Variants in ANO10 observed in about 807,000 individuals in gnomAD.
ANO10 encodes the protein anoctamin-10.
A neutral mutation model predicts 74.7 loss-of-function variants in ANO10; 77 were observed. That is an observed-to-expected ratio of 1.03 (90% CI 0.86 to 1.25). ANO10 has a LOEUF of 1.25. ANO10 is among the 50% of genes most tolerant of loss of function. The probability of loss-of-function intolerance (pLI) is 0.00; values close to 1 mark genes in which losing one functional copy is unlikely to be tolerated. For missense variants in ANO10, 721 were observed against 778.1 expected (o/e 0.93, Z 0.87); for synonymous variants, 279 against 284.9 (o/e 0.98, Z 0.21).
At chr3:43,582,079 G>T (rs925942132) in intron 4 of ANO10, among the ~76,000 whole-genome samples, 7 of 152,082 alleles carry the variant, frequency 4.6e-5, no homozygotes, top group African/African-American at 1.7e-4. Context: ...CCTGTTACCA[G>T]AGACAGATGA....
At chr3:43,619,759 C>T (rs183828095) in intron 1 of ANO10, among the ~76,000 whole-genome samples, 65 of 151,468 alleles carry the variant, frequency 4.3e-4, no homozygotes, top group African/African-American at 1.5e-3. Context: ...CCCAGCTACC[C>T]AGGAGGCTGA....
At chr3:43,666,301 G>A (rs990324525) in intron 1 of ANO10, among the ~76,000 whole-genome samples, 1 of 152,154 alleles carries the variant, frequency 6.6e-6, no homozygotes, top group Non-Finnish European at 1.5e-5. Flanking sequence ...GAAAAGAAGA[G>A]ATTAAGAATT....
At chr3:43,687,681 G>C (rs2084292489) in intron 1 of ANO10, among the ~76,000 whole-genome samples, 1 of 152,172 alleles carries the variant, frequency 6.6e-6, no homozygotes, top group Admixed American at 6.5e-5. Context: ...GCTCAACCAG[G>C]TAATTGGTTA....
At chr3:43,591,887 TCA>T (rs761338655) in intron 4 of ANO10, among the ~76,000 whole-genome samples, 5 of 152,138 alleles carry the variant, frequency 3.3e-5, no homozygotes, top group African/African-American at 7.2e-5. Context: ...GAAAATTGGG[TCA>T]CCCTGACCCT....
chr3:43,519,394 A>G (rs2077852155), intron 11 of ANO10, among the ~76,000 whole-genome samples: 1 of 152,156 alleles, frequency 6.6e-6, no homozygotes, highest in South Asian at 2.1e-4. Flanking sequence ...GAGAATATAT[A>G]TCAATTCACA....
chr3:43,629,359 C>T (rs1252393266), intron 1 of ANO10, among the ~76,000 whole-genome samples: 1 of 152,198 alleles, frequency 6.6e-6, no homozygotes, highest in African/African-American at 2.4e-5. Context: ...CATGCCTTTT[C>T]ATCATCTATG....
At chr3:43,394,371 T>C (rs1315067670) in intron 12 of ANO10, among the ~76,000 whole-genome samples, 4 of 152,148 alleles carry the variant, frequency 2.6e-5, no homozygotes, top group Non-Finnish European at 4.4e-5. Flanking sequence ...GTCATAAATA[T>C]ACCACCAGTA....
intron 11 of ANO10, among the ~76,000 whole-genome samples, chr3:43,507,983 T>A (rs867562289): frequency 5.3e-5 from 8 of 152,080 alleles, no homozygotes; most frequent in Non-Finnish European, 1.2e-4. Context: ...TTAAAGAACA[T>A]TAAGAACACT....
intron 12 of ANO10, among the ~76,000 whole-genome samples, chr3:43,426,822 G>C (rs1370527921): frequency 1.3e-5 from 2 of 152,182 alleles, no homozygotes; most frequent in Non-Finnish European, 2.9e-5. Context: ...AATGCCCTAT[G>C]CAAAGTAAAC....
chr3:43,454,718 A>G (rs1193833384), intron 11 of ANO10, among the ~76,000 whole-genome samples: 4 of 152,120 alleles, frequency 2.6e-5, no homozygotes, highest in Non-Finnish European at 4.4e-5. Context: ...TGGCATTAGC[A>G]AGGTGCTGAT....
chr3:43,560,433 A>T (rs2079972753), intron 9 of ANO10, among the ~76,000 whole-genome samples: 1 of 152,242 alleles, frequency 6.6e-6, no homozygotes, highest in African/African-American at 2.4e-5. Flanking sequence ...ACACTCAAAA[A>T]TCAGGAGATA....
intron 1 of ANO10, among the ~76,000 whole-genome samples, chr3:43,636,820 T>C (rs1300413722): frequency 6.6e-6 from 1 of 152,188 alleles, no homozygotes; most frequent in Non-Finnish European, 1.5e-5. Context: ...TTTTAAAATA[T>C]ATTGGGAGTC....
At chr3:43,635,009 G>T (rs186124838) in intron 1 of ANO10, among the ~76,000 whole-genome samples, 13 of 152,246 alleles carry the variant, frequency 8.5e-5, no homozygotes, top group African/African-American at 3.1e-4. Flanking sequence ...AAAGCATGGT[G>T]TGGACTAAGG....
At chr3:43,544,561 G>A (rs535921135) in intron 11 of ANO10, among the ~76,000 whole-genome samples, 6 of 152,258 alleles carry the variant, frequency 3.9e-5, no homozygotes, top group African/African-American at 1.2e-4. Context: ...GGGAGGCTGA[G>A]GCAGGCAGAT....
intron 11 of ANO10, among the ~76,000 whole-genome samples, chr3:43,524,560 T>C (rs2078107456): frequency 6.6e-6 from 1 of 152,084 alleles, no homozygotes; most frequent in African/African-American, 2.4e-5. Flanking sequence ...GTTGCACAGT[T>C]GGGGCAGGTG....
chr3:43,419,519 T>C (rs939885386), intron 12 of ANO10, among the ~76,000 whole-genome samples: 1 of 151,566 alleles, frequency 6.6e-6, no homozygotes, highest in Non-Finnish European at 1.5e-5. Flanking sequence ...CAATTAGTAT[T>C]TGTTGCATTT....
intron 12 of ANO10, among the ~76,000 whole-genome samples, chr3:43,405,998 C>T (rs964666848): frequency 8.5e-5 from 13 of 152,096 alleles, no homozygotes; most frequent in Non-Finnish European, 1.5e-4. Flanking sequence ...TGAAAGTATA[C>T]TGTGAAAAGG....
chr3:43,429,400 T>C (rs1056021651), intron 12 of ANO10, among the ~76,000 whole-genome samples: 1 of 152,092 alleles, frequency 6.6e-6, no homozygotes, highest in African/African-American at 2.4e-5. Context: ...ATACAGACCA[T>C]AAAATTTACT....
intron 1 of ANO10, among the ~76,000 whole-genome samples, chr3:43,635,470 T>C (rs891504434): frequency 1.3e-5 from 2 of 152,258 alleles, no homozygotes; most frequent in African/African-American, 4.8e-5. Flanking sequence ...CACAAGTTCA[T>C]GGCTGAAGAT....
Sources: gnomAD v4.1 joint callset for allele counts (sites outside exome capture counted in the v4.1 genomes callset) on GRCh38, gnomAD v4.1.1 for gene constraint, MANE v1.5 for transcripts, NCBI Gene and HGNC (gene_info 2026-07-23, HGNC 2026-07-21) for gene names.